NUDT4: variants seen among roughly 807,000 people sequenced by gnomAD.
NUDT4 encodes the protein diphosphoinositol polyphosphate phosphohydrolase 2.
A neutral mutation model predicts 23.1 loss-of-function variants in NUDT4; 5 were observed. That is an observed-to-expected ratio of 0.22 (90% CI 0.11 to 0.46). The LOEUF (loss-of-function observed/expected upper bound fraction) is 0.46, where lower values mean the gene tolerates loss of function less well. Among genes scored for constraint, NUDT4 ranks in the 20% least tolerant of loss-of-function variants. The pLI is 0.99. For missense variants in NUDT4, 96 were observed against 211.6 expected (o/e 0.45, Z 3.39); for synonymous variants, 50 against 79.0 (o/e 0.63, Z 1.95).
rs903675419 is a variant in NUDT4, at chr12:93,383,732, T to C, written c.99+5311T>C. Among the ~76,000 whole-genome samples the C allele has an allele frequency of 2.6e-5, 4 of 152,164 alleles. No homozygotes were observed. The East Asian group carries it at 7.7e-4, about 29-fold the overall frequency. On this transcript the variant is annotated intron_variant, in intron 1 of 4. Coordinates refer to ENST00000415493, the MANE Select transcript of NUDT4 (RefSeq NM_019094.6). ...CTGTAGTGCTGGCTACTCCGGAGGC[T>C]GAGGTAGGAGAATCCCTTGAACCCA...
chr12:93,395,579 A>G, intron 3 of NUDT4, 46 bp downstream of exon 3: 1 of 1,438,426 alleles, frequency 7.0e-7, no homozygotes. Flanking sequence ...AGAATTAATG[A>G]TTTCTTCCTA....
At chr12:93,390,139 T>A (rs1296463861) in intron 1 of NUDT4, among the ~76,000 whole-genome samples, 1 of 152,214 alleles carries the variant, frequency 6.6e-6, no homozygotes, top group Non-Finnish European at 1.5e-5. Context: ...TGATGTACTT[T>A]TCAGGCGGCT....
At chr12:93,378,474 C>T (rs376672270) in intron 1 of NUDT4, 53 bp downstream of exon 1, 1 of 1,464,470 alleles carries the variant, frequency 6.8e-7, no homozygotes, top group Non-Finnish European at 9.1e-7. Context: ...GTCTAGGGCC[C>T]GGGTGCTTCC....
At chr12:93,392,167 G>A (rs1283626572) in intron 1 of NUDT4, among the ~76,000 whole-genome samples, 1 of 151,168 alleles carries the variant, frequency 6.6e-6, no homozygotes, top group Admixed American at 6.6e-5. Context: ...ATAGGCATGA[G>A]CCACCACGCT....
chr12:93,397,809 G>C (rs1877044069), intron 3 of NUDT4, among the ~76,000 whole-genome samples: 1 of 152,150 alleles, frequency 6.6e-6, no homozygotes, highest in Admixed American at 6.5e-5. Flanking sequence ...ACAGACGTGA[G>C]CTTCTGCTCC....
chr12:93,393,799 A>G (rs1876725610), intron 1 of NUDT4, among the ~76,000 whole-genome samples: 1 of 152,176 alleles, frequency 6.6e-6, no homozygotes, highest in Admixed American at 6.5e-5. Flanking sequence ...TAACAGTAAC[A>G]AGCACTCTGT....
chr12:93,392,325 G>A (rs1237785974), intron 1 of NUDT4, among the ~76,000 whole-genome samples: 2 of 140,716 alleles, frequency 1.4e-5, no homozygotes, highest in South Asian at 2.2e-4. Flanking sequence ...GCATGATCTC[G>A]GCTCACTGCA....
At chr12:93,382,085 T>C (rs1875700018) in intron 1 of NUDT4, among the ~76,000 whole-genome samples, 1 of 152,182 alleles carries the variant, frequency 6.6e-6, no homozygotes, top group South Asian at 2.1e-4. Flanking sequence ...GGCGAAACCC[T>C]GTCTCTACCA....
At chr12:93,383,933 G>A (rs923279116) in intron 1 of NUDT4, among the ~76,000 whole-genome samples, 12 of 152,066 alleles carry the variant, frequency 7.9e-5, no homozygotes, top group Non-Finnish European at 1.2e-4. Flanking sequence ...TGGCTCCTCC[G>A]CTCCCCTTCC....
rs747989077 is a variant in NUDT4, at chr12:93,399,159, T to C, written c.341-18T>C. On this transcript the variant is annotated intron_variant, in intron 4 of 4. Coordinates refer to ENST00000415493, the MANE Select transcript of NUDT4 (RefSeq NM_019094.6). ...TTAAAATGGACTGTCTTGTAACCAA[T>C]GTCATTCTTTTCTCTAGGAAGGAAG... is the stretch of plus-strand genomic sequence containing the variant. The C allele has an allele frequency of 6.3e-7, 1 of 1,587,922 alleles. No homozygotes were observed. Among genetic ancestry groups the C allele is most frequent in the Non-Finnish European group, 8.6e-7 (1 of 1,156,164 alleles).
intron 3 of NUDT4, among the ~76,000 whole-genome samples, chr12:93,396,231 T>TA (rs1372183792): frequency 6.6e-6 from 1 of 152,194 alleles, no homozygotes; most frequent in Non-Finnish European, 1.5e-5. Flanking sequence ...TATTATATGA[T>TA]ACACCTAGTG....
intron 1 of NUDT4, 39 bp downstream of exon 1, chr12:93,378,460 CGGG>C: frequency 6.6e-7 from 1 of 1,516,680 alleles, no homozygotes; most frequent in Non-Finnish European, 8.9e-7. Context: ...TCCGGGGCGC[CGGG>C]GTCTAGGGCC....
intron 1 of NUDT4, among the ~76,000 whole-genome samples, chr12:93,389,594 C>G (rs1362031087): frequency 6.6e-6 from 1 of 151,956 alleles, no homozygotes; most frequent in East Asian, 1.9e-4. Context: ...CTTGTAGATG[C>G]AGGATTGGTT....
At chr12:93,385,376 T>C (rs973046190) in intron 1 of NUDT4, among the ~76,000 whole-genome samples, 9 of 152,192 alleles carry the variant, frequency 5.9e-5, no homozygotes, top group Non-Finnish European at 1.2e-4. Flanking sequence ...TAGCCTCCTT[T>C]TCGTAAATCT....
intron 3 of NUDT4, among the ~76,000 whole-genome samples, chr12:93,397,654 T>C (rs1250015801): frequency 6.6e-6 from 1 of 152,150 alleles, no homozygotes; most frequent in African/African-American, 2.4e-5. Context: ...GCCTCCCAAG[T>C]AGCTGAATTA....
chr12:93,392,399 G>A (rs1876608288), intron 1 of NUDT4, among the ~76,000 whole-genome samples: 1 of 150,644 alleles, frequency 6.6e-6, no homozygotes, highest in African/African-American at 2.4e-5. Context: ...GGGATTACAG[G>A]TGCCTTCCAC....
At chr12:93,398,338 CAAAAA>C (rs34651915) in intron 3 of NUDT4, among the ~76,000 whole-genome samples, 5 of 75,284 alleles carry the variant, frequency 6.6e-5, no homozygotes, top group South Asian at 4.3e-4. Context: ...CTCCCTGTCT[CAAAAA>C]AAAAAAAAAA....
Position 93,399,248 on chromosome 12 carries a change from G to C in NUDT4, c.412G>C (p.Glu138Gln). ...VLQCHKPVHA[E>Q]YLEKLKLGCS... ...CCAGTGTCATAAACCTGTACATGCA[G>C]AGTATCTGGAAAAGCTAAAGCTGGG... Residue 138 changes from glutamate to glutamine, a missense_variant, in exon 5 of 5, where the codon GAG (glutamate) becomes CAG (glutamine). Glu to Gln is a conservative substitution (Grantham distance 29). Coordinates refer to ENST00000415493, the MANE Select transcript of NUDT4 (RefSeq NM_019094.6). 2 of 1,437,750 alleles carry C rather than the reference G, an allele frequency of 1.4e-6. No homozygotes were observed. The highest frequency in any genetic ancestry group is 2.0e-6 in the Non-Finnish European group (2 of 1,020,942). 89.1% of individuals were successfully genotyped at this position (1,437,750 alleles called of 1,614,324 possible).
intron 2 of NUDT4, 41 bp from the exon 3 acceptor site, chr12:93,395,448 A>G (rs750135372): frequency 1.3e-5 from 18 of 1,428,770 alleles, no homozygotes; most frequent in Admixed American, 8.4e-5. Context: ...ACATTTTGTT[A>G]TAAAAAGGTA....
Sources: gnomAD v4.1 joint callset for allele counts (sites outside exome capture counted in the v4.1 genomes callset) on GRCh38, gnomAD v4.1.1 for gene constraint, MANE v1.5 for transcripts, NCBI Gene and HGNC (gene_info 2026-07-23, HGNC 2026-07-21) for gene names.